RIMS2: variants seen among roughly 807,000 people sequenced by gnomAD.
RIMS2 encodes the protein regulating synaptic membrane exocytosis protein 2.
In RIMS2, 59 loss-of-function variants were observed where a neutral mutation model predicts 174.4. That is an observed-to-expected ratio of 0.34 (90% CI 0.27 to 0.42). The LOEUF (loss-of-function observed/expected upper bound fraction) is 0.42. RIMS2 is among the 10% of genes least tolerant of loss of function. RIMS2 has a pLI of 1.00. For missense variants in RIMS2, 1,620 were observed against 1,666.3 expected, an observed-to-expected ratio of 0.97 and a Z score of 0.48; for synonymous variants, 606 against 572.5, an observed-to-expected ratio of 1.06 and a Z score of -0.84.
chr8:103,647,312 T>C (rs1216493798), intron 1 of RIMS2, among the ~76,000 whole-genome samples: 1 of 152,088 alleles, frequency 6.6e-6, no homozygotes, highest in Non-Finnish European at 1.5e-5. Context: ...GTTGTTGTTG[T>C]ATCTGTGCCA....
At chr8:103,589,722 A>G (rs1385149258) in intron 1 of RIMS2, among the ~76,000 whole-genome samples, 1 of 151,632 alleles carries the variant, frequency 6.6e-6, no homozygotes, top group Non-Finnish European at 1.5e-5. Flanking sequence ...ATTGTGATAT[A>G]TATGCAAAAT....
chr8:103,807,473 TA>T (rs1310288114), intron 3 of RIMS2, among the ~76,000 whole-genome samples: 2 of 152,052 alleles, frequency 1.3e-5, no homozygotes, highest in Admixed American at 6.6e-5. Flanking sequence ...CCATAGCAAC[TA>T]AAGACAACTT....
At chr8:104,100,825 ATG>A (rs2097858977) in intron 19 of RIMS2, among the ~76,000 whole-genome samples, 1 of 141,150 alleles carries the variant, frequency 7.1e-6, no homozygotes, top group East Asian at 2.0e-4. Flanking sequence ...TATATTATAT[ATG>A]TAATATATAA....
intron 19 of RIMS2, among the ~76,000 whole-genome samples, chr8:104,232,061 A>G (rs944326030): frequency 1.3e-5 from 2 of 152,204 alleles, no homozygotes; most frequent in Non-Finnish European, 2.9e-5. Flanking sequence ...TTTGTGTACT[A>G]TCTTACCTAC....
At chr8:103,611,524 T>C (rs1408439872) in intron 1 of RIMS2, among the ~76,000 whole-genome samples, 1 of 145,674 alleles carries the variant, frequency 6.9e-6, no homozygotes, top group African/African-American at 2.6e-5. Flanking sequence ...TTTGTTTGTG[T>C]TGGGAGGAAT....
chr8:103,609,973 CCTTT>C (rs2095310154), intron 1 of RIMS2, among the ~76,000 whole-genome samples: 1 of 151,956 alleles, frequency 6.6e-6, no homozygotes, highest in Admixed American at 6.6e-5. Context: ...GTACGGAATG[CCTTT>C]CTATTTGGTT....
intron 19 of RIMS2, among the ~76,000 whole-genome samples, chr8:104,071,266 A>G (rs916849381): frequency 1.1e-4 from 17 of 152,198 alleles, no homozygotes; most frequent in African/African-American, 4.1e-4. Flanking sequence ...AGTTGGGAAA[A>G]AATAAATATT....
intron 1 of RIMS2, among the ~76,000 whole-genome samples, chr8:103,531,763 T>TA (rs1837281331): frequency 1.3e-5 from 2 of 152,206 alleles, no homozygotes; most frequent in Non-Finnish European, 2.9e-5. Flanking sequence ...AACTAGTAAA[T>TA]GTACCATGTA....
rs906543440 is a variant in RIMS2, at chr8:103,605,974, G to A, written c.177-91112G>A. On this transcript the variant is annotated intron_variant, in intron 1 of 23. Transcript: ENST00000504942. Reference sequence around the variant, plus strand: ...CAGCTCCTGGATTAATTAATTTTTTGAAGGGTTTTTTGTGTCTCTATTTCC... The same window carrying A: ...CAGCTCCTGGATTAATTAATTTTTTAAAGGGTTTTTTGTGTCTCTATTTCC... Among the ~76,000 whole-genome samples, 25 of 146,038 alleles carry A rather than the reference G, an allele frequency of 1.7e-4. 1 individual carries two copies. In the South Asian group the frequency reaches 3.8e-3, roughly 22 times the overall value.
At chr8:103,879,149 TAG>T (rs2154516692) in intron 3 of RIMS2, among the ~76,000 whole-genome samples, 1 of 150,618 alleles carries the variant, frequency 6.6e-6, no homozygotes, top group South Asian at 2.1e-4. Context: ...GAAAGATCAG[TAG>T]AGAGTGAAGG....
chr8:104,043,587 T>G (rs1381703395), intron 19 of RIMS2, among the ~76,000 whole-genome samples: 1 of 151,764 alleles, frequency 6.6e-6, no homozygotes, highest in Middle Eastern at 3.4e-3. Flanking sequence ...TGCAGAATTT[T>G]TCATGAATTG....
At chr8:104,127,176 A>G (rs914976468) in intron 19 of RIMS2, among the ~76,000 whole-genome samples, 7 of 152,174 alleles carry the variant, frequency 4.6e-5, no homozygotes, top group African/African-American at 7.2e-5. Flanking sequence ...AACTTTTTCC[A>G]TAAGTATGCC....
chr8:103,910,584 C>G, intron 5 of RIMS2, 55 bp downstream of exon 8: 1 of 1,000,324 alleles, frequency 1.0e-6, no homozygotes, highest in Admixed American at 2.0e-5. Flanking sequence ...TTCGTTTGCT[C>G]TCTGTCACTC....
At chr8:103,834,738 TTC>T (rs1206928935) in intron 3 of RIMS2, among the ~76,000 whole-genome samples, 2 of 129,398 alleles carry the variant, frequency 1.5e-5, no homozygotes, top group African/African-American at 6.4e-5. Flanking sequence ...CTTTCTTTCT[TTC>T]TTTCTCTCTC....
At chr8:103,623,381 A>G (rs1190298333) in intron 1 of RIMS2, among the ~76,000 whole-genome samples, 10 of 151,928 alleles carry the variant, frequency 6.6e-5, no homozygotes, top group Non-Finnish European at 1.5e-4. Flanking sequence ...TTTTCTAATG[A>G]TAAAAATATG....
chr8:104,036,830 T>C (rs774616663), intron 19 of RIMS2, among the ~76,000 whole-genome samples: 8 of 152,060 alleles, frequency 5.3e-5, no homozygotes, highest in Non-Finnish European at 1.2e-4. Context: ...TGAGCCAAGA[T>C]CGTGCCACTT....
At chr8:103,544,404 C>G (rs769982221) in intron 1 of RIMS2, among the ~76,000 whole-genome samples, 1 of 152,148 alleles carries the variant, frequency 6.6e-6, no homozygotes, top group Non-Finnish European at 1.5e-5. Flanking sequence ...CCACCCACCT[C>G]CACTGCTGGT....
intron 19 of RIMS2, among the ~76,000 whole-genome samples, chr8:104,068,147 A>G (rs2097136251): frequency 1.3e-5 from 2 of 152,202 alleles, no homozygotes; most frequent in Admixed American, 1.3e-4. Context: ...TAAATAAATC[A>G]TGATGAATTA....
intron 16 of RIMS2, among the ~76,000 whole-genome samples, chr8:103,985,866 A>G (rs2094321950): frequency 1.3e-5 from 2 of 152,210 alleles, no homozygotes; most frequent in Non-Finnish European, 2.9e-5. Context: ...TAAGCCAGGT[A>G]TAGAAAATAA....
Sources: gnomAD v4.1 joint callset for allele counts (sites outside exome capture counted in the v4.1 genomes callset) on GRCh38, gnomAD v4.1.1 for gene constraint, MANE v1.5 for transcripts, NCBI Gene and HGNC (gene_info 2026-07-23, HGNC 2026-07-21) for gene names.